SCN11A: variants seen among roughly 807,000 people sequenced by gnomAD.
SCN11A encodes the protein sodium voltage-gated channel alpha subunit 11.
Under a neutral mutation model 162.2 loss-of-function variants are expected in SCN11A, and 122 were observed. The observed-to-expected ratio is 0.75, with a 90% CI of 0.65 to 0.87. The LOEUF (loss-of-function observed/expected upper bound fraction) is 0.87, where lower values mean the gene tolerates loss of function less well. SCN11A is among the 40% of genes least tolerant of loss of function. The pLI, the probability that SCN11A is intolerant of heterozygous loss-of-function variation, is 0.00. For missense variants in SCN11A, 2,015 were observed against 2,181.6 expected (o/e 0.92, Z 1.52); for synonymous variants, 758 against 751.5 (o/e 1.01, Z -0.14).
At chr3:39,041,412 T>C (rs1204924352) in intron 1 of SCN11A, among the ~76,000 whole-genome samples, 1 of 152,156 alleles carries the variant, frequency 6.6e-6, no homozygotes, top group Admixed American at 6.5e-5. Context: ...TATAATCAAA[T>C]TGTCAAAAGT....
chr3:38,852,197 C>G (rs571175818), intron 28 of SCN11A, among the ~76,000 whole-genome samples: 1 of 151,962 alleles, frequency 6.6e-6, no homozygotes, highest in Non-Finnish European at 1.5e-5. Flanking sequence ...AGGGTAGGGA[C>G]AACACTGGAG....
intron 7 of SCN11A, among the ~76,000 whole-genome samples, chr3:38,935,380 G>C (rs1018620672): frequency 6.6e-6 from 1 of 152,116 alleles, no homozygotes; most frequent in Non-Finnish European, 1.5e-5. Context: ...TAAAATCAGA[G>C]CAGAACTGAA....
At chr3:38,925,617 A>C in intron 8 of SCN11A, 108 bp from the exon 9 acceptor site, 1 of 710,238 alleles carries the variant, frequency 1.4e-6, no homozygotes, top group Admixed American at 2.4e-5. Context: ...GTGACCTCCA[A>C]GGTGAAATCG....
At chr3:39,005,701 T>C (rs1008035228) in intron 2 of SCN11A, among the ~76,000 whole-genome samples, 8 of 152,196 alleles carry the variant, frequency 5.3e-5, no homozygotes, top group African/African-American at 9.7e-5. Flanking sequence ...AAATATTGTC[T>C]TATCCATTTT....
At chr3:38,902,061 CCA>C in intron 16 of SCN11A, among the ~76,000 whole-genome samples, 1 of 152,286 alleles carries the variant, frequency 6.6e-6, no homozygotes, top group East Asian at 1.9e-4. Context: ...AAACAGATCA[CCA>C]CTGCAATTGG....
At chr3:38,850,226 C>A in intron 29 of SCN11A, 1 of 398,236 alleles carries the variant, frequency 2.5e-6, no homozygotes. Context: ...TTGTCTATTT[C>A]CATTGAATAC....
intron 18 of SCN11A, 22 bp from the exon 19 acceptor site, chr3:38,894,986 A>C (rs756092440): frequency 6.4e-7 from 1 of 1,562,492 alleles, no homozygotes; most frequent in Non-Finnish European, 8.7e-7. Context: ...GTGGGTAGCA[A>C]GAAGAAAGGA....
intron 19 of SCN11A, among the ~76,000 whole-genome samples, chr3:38,893,792 G>GA (rs1199802211): frequency 6.6e-6 from 1 of 151,268 alleles, no homozygotes; most frequent in East Asian, 1.9e-4. Flanking sequence ...AGAAGAATTA[G>GA]AAAATAAGAT....
intron 14 of SCN11A, among the ~76,000 whole-genome samples, chr3:38,905,921 T>C (rs2065785254): frequency 6.6e-6 from 1 of 152,238 alleles, no homozygotes; most frequent in South Asian, 2.1e-4. Flanking sequence ...CTAAAGTTAC[T>C]GGAATTAAAC....
At chr3:38,907,808 C>G (rs554373612) in intron 14 of SCN11A, 141 bp downstream of exon 14, 7 of 703,072 alleles carry the variant, frequency 1.0e-5, no homozygotes, top group Non-Finnish European at 1.4e-5. Flanking sequence ...TGAAAAGACA[C>G]ATGGATGCAT....
In SCN11A at chr3:39,047,069, CTT is replaced by C. The variant is rs1226458599; in HGVS notation, c.-404+4790_-404+4791del. ...ATCCCCCCACCCCCACCCCCACCCC[CTT>C]TTTTTTTTTTAAGACTGGGTCTTGC... On this transcript the variant is annotated intron_variant, in intron 1 of 29. Transcript: ENST00000302328. Among the ~76,000 whole-genome samples, 1,152 of 121,566 alleles carry C rather than the reference CTT, an allele frequency of 9.5e-3. 11 individuals are homozygous for C. The highest frequency in any genetic ancestry group is 0.013 in the Non-Finnish European group (767 of 57,566). 79.8% of individuals were successfully genotyped at this position (121,566 alleles called of 152,430 possible).
At chr3:39,007,675 C>G (rs769094840) in intron 2 of SCN11A, among the ~76,000 whole-genome samples, 1 of 152,212 alleles carries the variant, frequency 6.6e-6, no homozygotes, top group Non-Finnish European at 1.5e-5. Flanking sequence ...CCAAATCCAT[C>G]GGGAAAGGAG....
chr3:39,001,908 G>C (rs1575354104), intron 2 of SCN11A, among the ~76,000 whole-genome samples: 1 of 152,118 alleles, frequency 6.6e-6, no homozygotes, highest in East Asian at 1.9e-4. Flanking sequence ...GTGGTGGCGG[G>C]CGCCTGTAGT....
intron 2 of SCN11A, among the ~76,000 whole-genome samples, chr3:38,991,819 T>G (rs1405821451): frequency 1.3e-5 from 2 of 152,108 alleles, no homozygotes; most frequent in East Asian, 3.9e-4. Context: ...TTATTGTATT[T>G]TATTTTTGAG....
chr3:38,937,931 G>A (rs549843247), intron 7 of SCN11A, among the ~76,000 whole-genome samples: 2,297 of 152,126 alleles, frequency 0.015, 16 homozygotes, highest in Middle Eastern at 0.024. Context: ...ACATGCACAC[G>A]TATGTTTATT....
At chr3:38,868,474 T>C (rs750236559) in intron 26 of SCN11A, among the ~76,000 whole-genome samples, 6 of 152,244 alleles carry the variant, frequency 3.9e-5, no homozygotes, top group Admixed American at 3.3e-4. Flanking sequence ...TAGTCTTGCA[T>C]GTTAGGTTAC....
At chr3:38,898,018 T>A (rs1485835272) in intron 17 of SCN11A, among the ~76,000 whole-genome samples, 1 of 152,096 alleles carries the variant, frequency 6.6e-6, no homozygotes, top group East Asian at 1.9e-4. Context: ...GGTGATCGCT[T>A]GAGCACAGGA....
At chr3:38,889,317 TG>T (rs2126111775) in intron 19 of SCN11A, among the ~76,000 whole-genome samples, 1 of 151,316 alleles carries the variant, frequency 6.6e-6, no homozygotes, top group Non-Finnish European at 1.5e-5. Flanking sequence ...CCCAGCTACT[TG>T]GGAGGCTGAG....
intron 6 of SCN11A, among the ~76,000 whole-genome samples, 184 bp from the exon 7 acceptor site, chr3:38,945,696 G>A (rs144005099): frequency 2.0e-5 from 3 of 152,196 alleles, no homozygotes; most frequent in Admixed American, 6.5e-5. Context: ...CTGCTGAATG[G>A]CAGCCTCCTC....
Sources: allele counts gnomAD v4.1 joint callset (sites outside exome capture counted in the v4.1 genomes callset), GRCh38; gene constraint gnomAD v4.1.1; transcripts MANE v1.5; gene names NCBI Gene and HGNC (gene_info 2026-07-23, HGNC 2026-07-21).